SKP2: variants seen among roughly 807,000 people sequenced by gnomAD.
SKP2 encodes S-phase kinase-associated protein 2.
In SKP2, 16 loss-of-function variants were observed where a neutral mutation model predicts 51.8. The ratio of observed to expected loss-of-function variants is 0.31; its 90% CI spans 0.21 to 0.47. SKP2 has a LOEUF of 0.47. Ranked by LOEUF, SKP2 falls within the 20% of genes least tolerant of loss-of-function variation. The pLI is 1.00. For synonymous variants in SKP2, 176 were observed against 198.6 expected (o/e 0.89, Z 0.96); for missense variants, 377 against 505.3 (o/e 0.75, Z 2.43).
At chr5:36,174,115 C>T (rs1281254097) in intron 7 of SKP2, among the ~76,000 whole-genome samples, 1 of 152,166 alleles carries the variant, frequency 6.6e-6, no homozygotes, top group Non-Finnish European at 1.5e-5. Context: ...ACCCCCATCA[C>T]TACCTTTCCA....
downstream of SKP2, among the ~76,000 whole-genome samples, chr5:36,188,860 G>A (rs78469065): frequency 0.061 from 9,262 of 152,198 alleles, 992 homozygotes; most frequent in African/African-American, 0.21. Context: ...GTCACTTTCA[G>A]GTACCCCAAT....
intron 2 of SKP2, 108 bp from the exon 3 acceptor site, chr5:36,163,537 T>G (rs1393954634): frequency 1.5e-6 from 1 of 675,724 alleles, no homozygotes; most frequent in Non-Finnish European, 2.7e-6. Context: ...TTGTGCTAAA[T>G]TCCTCATTTA....
intron 6 of SKP2, 70 bp downstream of exon 6, chr5:36,170,512 A>G: frequency 1.1e-6 from 1 of 918,090 alleles, no homozygotes; most frequent in Non-Finnish European, 1.7e-6. Flanking sequence ...CATCTGTATA[A>G]AATGGGATGA....
At chr5:36,165,838 G>T (rs998433518) in intron 3 of SKP2, among the ~76,000 whole-genome samples, 1 of 151,964 alleles carries the variant, frequency 6.6e-6, no homozygotes, top group African/African-American at 2.4e-5. Flanking sequence ...CCCTCTTACT[G>T]TGCTATTCAG....
At chr5:36,190,943 T>C (rs1158388633) in intron 6 of SKP2, among the ~76,000 whole-genome samples, 2 of 152,210 alleles carry the variant, frequency 1.3e-5, no homozygotes, top group African/African-American at 2.4e-5. Context: ...TCGTGTTTTC[T>C]TCAATGGGTT....
rs1745888717 is a variant in SKP2 at position 36,183,713 on chromosome 5, C to T, written c.*1682C>T. ...AAAAATTGTTAATGTTAGAAACATA[C>T]TATGAAGTGCCTTTATCTGCTTAGA... is the stretch of plus-strand genomic sequence containing the variant. On this transcript the variant is annotated 3_prime_UTR_variant, in exon 10 of 10. Coordinates refer to ENST00000274255, the MANE Select transcript of SKP2 (RefSeq NM_005983.4). 4 of 1,298,556 alleles carry T rather than the reference C, an allele frequency of 3.1e-6. No homozygotes were observed. Among genetic ancestry groups the T allele is most frequent in the Non-Finnish European group, 3.9e-6 (4 of 1,012,990 alleles). The allele number at this position is 1,298,556 out of a possible 1,614,324, so 80.4% of individuals were successfully genotyped here.
chr5:36,163,755 G>A lies in SKP2; in HGVS notation c.391G>A (p.Ala131Thr). 6.3e-7 allele frequency: 1 copy of A among 1,599,068 alleles called. No homozygotes were observed. The highest frequency in any genetic ancestry group is 8.6e-7 in the Non-Finnish European group (1 of 1,166,228). ...SGVCKRWYRL[A>T]SDESLWQTLD... is the part of the protein sequence containing the mutation. ...TGTTTGTAAGAGGTGGTATCGCCTA[G>A]CGTAAGTATTTTTCACCCCTTTGGC... Residue 131 changes from alanine (A) to threonine (T), a missense_variant and splice_region_variant, in exon 3 of 10, where the codon GCG (alanine) becomes ACG (threonine). Ala to Thr is a moderately conservative substitution (Grantham distance 58, BLOSUM62 0). Coordinates refer to ENST00000274255, the MANE Select transcript of SKP2 (RefSeq NM_005983.4).
At chr5:36,186,180 C>G (rs1229596961), downstream of SKP2, among the ~76,000 whole-genome samples, 1 of 152,208 alleles carries the variant, frequency 6.6e-6, no homozygotes, top group Non-Finnish European at 1.5e-5. Context: ...TCTAAATATA[C>G]AATCATGTCA....
At chr5:36,160,246 G>A (rs1745081943) in intron 2 of SKP2, among the ~76,000 whole-genome samples, 1 of 152,178 alleles carries the variant, frequency 6.6e-6, no homozygotes, top group South Asian at 2.1e-4. Flanking sequence ...AGCGTATGGT[G>A]TCAGTATGAT....
chr5:36,174,766 T>G (rs1244125800), intron 7 of SKP2, among the ~76,000 whole-genome samples: 2 of 152,122 alleles, frequency 1.3e-5, no homozygotes, highest in Non-Finnish European at 2.9e-5. Flanking sequence ...CTGAGGAGAC[T>G]GTACTGGACC....
At position 36,170,411 on chromosome 5, in the gene SKP2, G is replaced by T. The variant is rs201242885; in HGVS notation, c.739G>T (p.Ala247Ser). The T allele has an allele frequency of 1.9e-6, 3 of 1,612,732 alleles. No individual in the cohort carries two copies. Among genetic ancestry groups the T allele is most frequent in the Non-Finnish European group, 2.5e-6 (3 of 1,179,118 alleles). The change falls in exon 6 of 10, where the codon GCC becomes TCC. Residue 247 changes from alanine to serine, a missense_variant. Around this residue, in one of 2 missense-constraint regions of SKP2, gnomAD observed 262 missense variants for 389.8 expected, o/e 0.67. Coordinates refer to ENST00000274255, the MANE Select transcript of SKP2 (RefSeq NM_005983.4). ...TGGGTGTTCTGGATTCTCTGAATTT[G>T]CCCTGCAGACTTTGCTAAGCAGCTG... Reference protein sequence around the residue: ...LSGCSGFSEFALQTLLSSCSR... With the variant: ...LSGCSGFSEFSLQTLLSSCSR...
chr5:36,152,812 C>T lies in SKP2; in HGVS notation c.50C>T (p.Ala17Val). 6.2e-7 allele frequency: 1 copy of T among 1,614,028 alleles called. No individual in the cohort carries two copies. The highest frequency in any genetic ancestry group is 8.5e-7 in the Non-Finnish European group (1 of 1,179,994). The change falls in exon 2 of 10, where the codon GCC (alanine) becomes GTC (valine). Residue 17 changes from alanine to valine, a missense_variant. Physicochemically the swap from Ala to Val is moderately conservative, Grantham distance 64 (BLOSUM62 0). This residue lies in a region of SKP2 where 115 missense variants were observed against 115.5 expected (regional missense o/e 1.00). Transcript: ENST00000274255. Reference protein sequence around the residue: ...QEIPDLSSNVATSFTWGWDSS... With the variant: ...QEIPDLSSNVVTSFTWGWDSS... ...ATTCCAGACCTGAGTAGCAACGTTGCCACCAGCTTCACGTGGGGATGGGAT... is the reference window on the plus strand; with the variant it reads ...ATTCCAGACCTGAGTAGCAACGTTGTCACCAGCTTCACGTGGGGATGGGAT...
In SKP2 at chr5:36,177,292, T is replaced by C. The variant is rs1745664907; in HGVS notation, c.1061T>C (p.Leu354Pro). ...RCYDIIPETL[L>P]ELGEIPTLKT... Reference sequence around the variant, plus strand: ...TATGATATAATACCTGAAACTTTACTGTAAGTATGTTTTGTTTTTAATGCT... The same window carrying C: ...TATGATATAATACCTGAAACTTTACCGTAAGTATGTTTTGTTTTTAATGCT... Residue 354 changes from leucine to proline, a missense_variant and splice_region_variant, in exon 9 of 10, where the codon CTT (leucine) becomes CCT (proline). By Grantham distance (98) the Leu-to-Pro change is moderately conservative. Coordinates refer to ENST00000274255, the MANE Select transcript of SKP2 (RefSeq NM_005983.4). The C allele has an allele frequency of 6.4e-7, 1 of 1,560,072 alleles. No individual in the cohort carries two copies. The highest frequency in any genetic ancestry group is 1.4e-5 in the African/African-American group (1 of 73,832).
At chr5:36,168,541 C>A in intron 5 of SKP2, 94 bp downstream of exon 5, 1 of 1,164,312 alleles carries the variant, frequency 8.6e-7, no homozygotes. Context: ...TAGCCATATC[C>A]AGGTGGATAC....
At chr5:36,161,769 T>C (rs10076487) in intron 2 of SKP2, among the ~76,000 whole-genome samples, 3,725 of 152,212 alleles carry the variant, frequency 0.024, 73 homozygotes, top group South Asian at 0.062. Context: ...AACCCACTTA[T>C]ACAGGGCCTG....
At position 36,181,987 on chromosome 5, in the gene SKP2, G is replaced by C; in HGVS notation, c.1231G>C (p.Gly411Arg). The change falls in exon 10 of 10, where the codon GGC (glycine) becomes CGC (arginine). Residue 411 changes from glycine (G) to arginine (R), a missense_variant. By Grantham distance (125) the Gly-to-Arg change is moderately radical. This residue lies in a region of SKP2 where 262 missense variants were observed against 389.8 expected (regional missense o/e 0.67). Transcript: ENST00000274255. ...IGNKKNQEIWGIKCRLTLQKP... is the reference protein window; with the variant it reads ...IGNKKNQEIWRIKCRLTLQKP... ...CAACAAAAAGAACCAGGAGATATGG[G>C]GCATCAAATGCCGACTGACACTGCA... 2 of 1,614,064 alleles carry C rather than the reference G, an allele frequency of 1.2e-6. No individual in the cohort carries two copies. The highest frequency in any genetic ancestry group is 1.7e-6 in the Non-Finnish European group (2 of 1,179,986).
chr5:36,191,389 GTTCT>G (rs1561048419), intron 6 of SKP2, among the ~76,000 whole-genome samples: 4 of 148,644 alleles, frequency 2.7e-5, no homozygotes, highest in Admixed American at 6.7e-5. Flanking sequence ...GTATCATCAA[GTTCT>G]TTTTTTTTTT....
downstream of SKP2, among the ~76,000 whole-genome samples, chr5:36,184,890 G>C (rs1745929960): frequency 6.6e-6 from 1 of 152,174 alleles, no homozygotes; most frequent in South Asian, 2.1e-4. Flanking sequence ...CAGTATAAAA[G>C]TGATCCTATA....
chr5:36,192,312 A>G (rs1329015815), intron 6 of SKP2, among the ~76,000 whole-genome samples: 1 of 152,070 alleles, frequency 6.6e-6, no homozygotes, highest in Non-Finnish European at 1.5e-5. Flanking sequence ...TATCTCCCCC[A>G]CCATTATATT....
Sources: allele counts gnomAD v4.1 joint callset (sites outside exome capture counted in the v4.1 genomes callset), GRCh38; gene constraint gnomAD v4.1.1; regional missense constraint gnomAD v4.1.1; transcripts MANE v1.5; gene names NCBI Gene and HGNC (gene_info 2026-07-23, HGNC 2026-07-21).